The following OR2L13 variants were observed in gnomAD, a reference collection of about 807,000 sequenced individuals.
The protein encoded by OR2L13 is olfactory receptor 2L13.
A neutral mutation model predicts 15.3 loss-of-function variants in OR2L13; 14 were observed. The observed-to-expected ratio is 0.91, with a 90% CI of 0.60 to 1.43. The LOEUF (loss-of-function observed/expected upper bound fraction) is 1.43. Among genes scored for constraint, OR2L13 ranks in the 40% most tolerant of loss-of-function variants. The probability of loss-of-function intolerance (pLI) is 0.00; values close to 1 mark genes in which losing one functional copy is unlikely to be tolerated. For synonymous variants in OR2L13, 152 were observed against 142.9 expected (o/e 1.06, Z -0.45); for missense variants, 367 against 387.9 (o/e 0.95, Z 0.45).
chr1:248,062,041 AG>A, the OR2L13 span: 1 of 161,250 alleles, frequency 6.2e-6, no homozygotes, highest in Non-Finnish European at 1.4e-5. Context: ...TGGTGTATCT[AG>A]TTGAAAGCTG....
chr1:248,087,712 G>A, the OR2L13 span, among the ~76,000 whole-genome samples: 20 of 152,130 alleles, frequency 1.3e-4, no homozygotes, highest in Admixed American at 7.9e-4. Flanking sequence ...TTTGGCAAGG[G>A]AATACAGATT....
At chr1:247,977,618 C>T in the OR2L13 span, among the ~76,000 whole-genome samples, 85 of 152,292 alleles carry the variant, frequency 5.6e-4, no homozygotes, top group African/African-American at 2.0e-3. Flanking sequence ...TAGAAGCATA[C>T]ACTAAGCATG....
At chr1:248,022,176 G>T in the OR2L13 span, 3 of 1,613,986 alleles carry the variant, frequency 1.9e-6, no homozygotes, top group Non-Finnish European at 2.5e-6. Flanking sequence ...CTCTACGATT[G>T]TTCCTAAGAT....
chr1:248,013,196 T>G, the OR2L13 span, among the ~76,000 whole-genome samples: 1 of 152,184 alleles, frequency 6.6e-6, no homozygotes, highest in Non-Finnish European at 1.5e-5. Context: ...TTCTAGAATT[T>G]ATTGCTAAAA....
At chr1:248,025,617 A>C in the OR2L13 span, among the ~76,000 whole-genome samples, 2 of 148,156 alleles carry the variant, frequency 1.3e-5, no homozygotes, top group Non-Finnish European at 3.0e-5. Flanking sequence ...CCAAATGACT[A>C]TAAATCATGC....
the OR2L13 span, among the ~76,000 whole-genome samples, chr1:248,050,033 T>C: frequency 6.6e-6 from 1 of 152,186 alleles, no homozygotes; most frequent in South Asian, 2.1e-4. Context: ...GTTATTTTGA[T>C]GAACTCCAAT....
chr1:247,956,212 A>G, the OR2L13 span, among the ~76,000 whole-genome samples: 1 of 151,982 alleles, frequency 6.6e-6, no homozygotes, highest in Admixed American at 6.6e-5. Flanking sequence ...TCCTTTCCCC[A>G]TTGCTTGTTT....
chr1:247,982,143 T>C, the OR2L13 span, among the ~76,000 whole-genome samples: 2 of 152,182 alleles, frequency 1.3e-5, no homozygotes, highest in Non-Finnish European at 2.9e-5. Context: ...TAGAGCAGCC[T>C]TATTTTGTAA....
the OR2L13 span, among the ~76,000 whole-genome samples, chr1:248,065,562 C>T: frequency 1.3e-5 from 2 of 150,618 alleles, no homozygotes; most frequent in Admixed American, 1.3e-4. Flanking sequence ...TTAGGTATAT[C>T]TCCTAATGCT....
chr1:248,049,522 A>C, the OR2L13 span, among the ~76,000 whole-genome samples: 1 of 152,170 alleles, frequency 6.6e-6, no homozygotes, highest in African/African-American at 2.4e-5. Flanking sequence ...AGCAAGATAG[A>C]AAATATCTTT....
At chr1:247,979,355 C>T in the OR2L13 span, among the ~76,000 whole-genome samples, 7 of 152,026 alleles carry the variant, frequency 4.6e-5, no homozygotes, top group Non-Finnish European at 7.3e-5. Flanking sequence ...TGTTCCCCTC[C>T]CTGTGTTCAT....
chr1:248,025,955 G>T, the OR2L13 span, among the ~76,000 whole-genome samples: 1 of 143,996 alleles, frequency 6.9e-6, no homozygotes, highest in Non-Finnish European at 1.5e-5. Flanking sequence ...GTTGTGAGGT[G>T]GGGGGAGGGG....
chr1:247,955,853 A>G, the OR2L13 span, among the ~76,000 whole-genome samples: 6 of 152,082 alleles, frequency 3.9e-5, no homozygotes, highest in Admixed American at 2.0e-4. Flanking sequence ...GCCCTTTTTC[A>G]GATGAGTAGA....
At chr1:247,971,498 A>G in the OR2L13 span, among the ~76,000 whole-genome samples, 1 of 152,210 alleles carries the variant, frequency 6.6e-6, no homozygotes, top group Non-Finnish European at 1.5e-5. Flanking sequence ...TGATAGGGTC[A>G]TGTCATCAAT....
the OR2L13 span, among the ~76,000 whole-genome samples, chr1:247,976,853 CCTT>C: frequency 1.3e-5 from 2 of 152,146 alleles, no homozygotes; most frequent in African/African-American, 4.8e-5. Context: ...AAAAGGCAGT[CCTT>C]CATTACATTA....
At chr1:248,025,245 T>G in the OR2L13 span, among the ~76,000 whole-genome samples, 3 of 146,624 alleles carry the variant, frequency 2.0e-5, no homozygotes, top group African/African-American at 7.9e-5. Flanking sequence ...CTCAAACAAA[T>G]TTACAAGAAA....
the OR2L13 span, among the ~76,000 whole-genome samples, chr1:248,086,371 C>A: frequency 2.6e-5 from 4 of 152,066 alleles, no homozygotes; most frequent in African/African-American, 9.7e-5. Flanking sequence ...AATTTGGAAC[C>A]ATTGCTCTTT....
chr1:247,969,562 A>C, the OR2L13 span, among the ~76,000 whole-genome samples: 2 of 152,208 alleles, frequency 1.3e-5, no homozygotes, highest in East Asian at 1.9e-4. Context: ...TATCTCATTT[A>C]ACAATAGTTT....
At chr1:248,067,358 A>G in the OR2L13 span, among the ~76,000 whole-genome samples, 1 of 152,210 alleles carries the variant, frequency 6.6e-6, no homozygotes, top group African/African-American at 2.4e-5. Flanking sequence ...CTTCCTCTGA[A>G]TTGCTGAGTT....
Sources: allele counts gnomAD v4.1 joint callset (sites outside exome capture counted in the v4.1 genomes callset), GRCh38; gene constraint gnomAD v4.1.1; transcripts MANE v1.5; gene names NCBI Gene and HGNC (gene_info 2026-07-23, HGNC 2026-07-21).